THRAP3: variants seen among roughly 807,000 people sequenced by gnomAD.
The protein encoded by THRAP3 is thyroid hormone receptor associated protein 3.
In THRAP3, 16 loss-of-function variants were observed where a neutral mutation model predicts 101.0. The ratio of observed to expected loss-of-function variants is 0.16; its 90% CI spans 0.11 to 0.24. The LOEUF is 0.24. THRAP3 is among the 10% of genes least tolerant of loss of function. THRAP3 has a pLI of 1.00. For missense variants in THRAP3, 989 were observed against 1,202.7 expected, an observed-to-expected ratio of 0.82 and a Z score of 2.63; for synonymous variants, 407 against 422.6, an observed-to-expected ratio of 0.96 and a Z score of 0.45.
chr1:36,297,444 ATTTTT>A (rs764365723), intron 9 of THRAP3, among the ~76,000 whole-genome samples: 2 of 122,372 alleles, frequency 1.6e-5, no homozygotes, highest in Admixed American at 8.2e-5. Context: ...GCTGGCAAGC[ATTTTT>A]TTTTTTTTTT....
At chr1:36,258,251 C>G (rs1218334468) in intron 1 of THRAP3, among the ~76,000 whole-genome samples, 1 of 152,222 alleles carries the variant, frequency 6.6e-6, no homozygotes, top group African/African-American at 2.4e-5. Flanking sequence ...GATGTGAGCC[C>G]TCTGTGCCTC....
intron 1 of THRAP3, among the ~76,000 whole-genome samples, chr1:36,234,218 G>T (rs1645060553): frequency 6.6e-6 from 1 of 152,146 alleles, no homozygotes; most frequent in Admixed American, 6.6e-5. Context: ...TTACAGATGT[G>T]AGCCACCACA....
rs772893951 is a variant in THRAP3 at position 36,303,827 on chromosome 1, A to G, written c.2678A>G (p.Lys893Arg). The G allele has an allele frequency of 3.1e-6, 5 of 1,614,098 alleles. No homozygotes were observed. The highest frequency in any genetic ancestry group is 1.6e-4 in the Middle Eastern group (1 of 6,062). Residue 893 changes from lysine to arginine, a missense_variant, in exon 12 of 12, where the codon AAG becomes AGG. Coordinates refer to ENST00000354618, the MANE Select transcript of THRAP3 (RefSeq NM_005119.4). ...HDDREGEGSD[K>R]WVSRGRGRGA... ...GACCGTGAAGGCGAAGGCAGTGACAAGTGGGTGAGCCGGGGCCGGGGCCGA... is the reference window on the plus strand; with the variant it reads ...GACCGTGAAGGCGAAGGCAGTGACAGGTGGGTGAGCCGGGGCCGGGGCCGA...
the THRAP3 span, among the ~76,000 whole-genome samples, chr1:36,216,495 CA>C: frequency 0.011 from 626 of 56,412 alleles, 5 homozygotes; most frequent in East Asian, 0.064. Flanking sequence ...GACTCCGTCT[CA>C]AAAAAAAAAA....
In THRAP3 at chr1:36,304,754, C is replaced by G; in HGVS notation, c.*737C>G. Reference sequence around the variant, plus strand: ...TCCTGATTTCTTCTGGGCTGGACTTCCCCGTTCTCCACCAGCAGCTCCAGT... The same window carrying G: ...TCCTGATTTCTTCTGGGCTGGACTTGCCCGTTCTCCACCAGCAGCTCCAGT... On this transcript the variant is annotated 3_prime_UTR_variant, in exon 12 of 12. Coordinates refer to ENST00000354618, the MANE Select transcript of THRAP3 (RefSeq NM_005119.4). 1 of 214,890 alleles carries G rather than the reference C, an allele frequency of 4.7e-6. No individual in the cohort carries two copies. The highest frequency in any genetic ancestry group is 9.4e-6 in the Non-Finnish European group (1 of 106,152). The allele number at this position is 214,890 out of a possible 1,614,324, so 13.3% of individuals were successfully genotyped here. A position where few individuals can be genotyped will look rare whatever the true frequency, so the allele number is the denominator to read the frequency against.
intron 1 of THRAP3, among the ~76,000 whole-genome samples, chr1:36,235,029 G>GTAGGAAATAGGTTT (rs1645069546): frequency 6.6e-6 from 1 of 152,064 alleles, no homozygotes. Context: ...GGCCAGGCAG[G>GTAGGAAATAGGTTT]TTTCGAACTC....
chr1:36,244,832 C>G (rs1270364101), intron 1 of THRAP3, among the ~76,000 whole-genome samples: 3 of 152,102 alleles, frequency 2.0e-5, no homozygotes, highest in East Asian at 3.9e-4. Flanking sequence ...ATTTTCCTGC[C>G]TCAGCCTCCT....
In THRAP3 at chr1:36,291,365, C is replaced by A. The variant is rs540644058; in HGVS notation, c.1746-9C>A. 6.2e-7 allele frequency: 1 copy of A among 1,612,198 alleles called. No homozygotes were observed. The highest frequency in any genetic ancestry group is 2.2e-5 in the East Asian group (1 of 44,880). On this transcript the variant is annotated splice_polypyrimidine_tract_variant and intron_variant, in intron 5 of 11. Transcript: ENST00000354618. The stretch of plus-strand genomic sequence containing the variant: ...GTTCTAATTGGGCCTCCCCATATTT[C>A]TTTTTCAGACCCAGTGGCTTATTGG...
chr1:36,280,929 T>TA (rs1183980512), intron 2 of THRAP3, among the ~76,000 whole-genome samples: 32 of 151,262 alleles, frequency 2.1e-4, no homozygotes, highest in African/African-American at 7.7e-4. Context: ...TTATTTTTAT[T>TA]TATTTTTTTT....
chr1:36,270,084 A>G (rs141830138), intron 2 of THRAP3, among the ~76,000 whole-genome samples: 57 of 152,248 alleles, frequency 3.7e-4, no homozygotes, highest in African/African-American at 1.2e-3. Context: ...GTTTGAATCA[A>G]TACTTCTATA....
chr1:36,304,256 C>G lies in THRAP3; in HGVS notation c.*239C>G. The G allele has an allele frequency of 2.5e-6, 1 of 392,324 alleles. No homozygotes were observed. Among genetic ancestry groups the G allele is most frequent in the Non-Finnish European group, 4.4e-6 (1 of 226,450 alleles). 24.3% of individuals were successfully genotyped at this position (392,324 alleles called of 1,614,324 possible). A position where few individuals can be genotyped will look rare whatever the true frequency, so the allele number is the denominator to read the frequency against. The stretch of plus-strand genomic sequence containing the variant: ...TTTGAGCAGAATACAACGCATTGGG[C>G]TTTAGCTGTTTTTCTCATTTGTTGG... On this transcript the variant is annotated 3_prime_UTR_variant, in exon 12 of 12. Transcript: ENST00000354618.
intron 5 of THRAP3, 131 bp from the exon 6 acceptor site, chr1:36,291,243 A>C (rs1249170063): frequency 1.1e-6 from 1 of 876,430 alleles, no homozygotes; most frequent in East Asian, 2.7e-5. Flanking sequence ...ACTGAGGGTT[A>C]CTTTCAACTT....
In THRAP3 at chr1:36,286,320, T is replaced by C. The variant is rs768478680; in HGVS notation, c.138-48T>C. 7 of 1,511,172 alleles carry C rather than the reference T, an allele frequency of 4.6e-6. No individual in the cohort carries two copies. Among genetic ancestry groups the C allele is most frequent in the Non-Finnish European group, 6.2e-6 (7 of 1,126,762 alleles). 93.6% of individuals were successfully genotyped at this position (1,511,172 alleles called of 1,614,324 possible). A position where few individuals can be genotyped will look rare whatever the true frequency, so the allele number is the denominator to read the frequency against. ...AGAACAGATTTTTCTTGAATAAAAATGCTTGTGTCAAAAATTCAAACATTT... is the reference window on the plus strand; with the variant it reads ...AGAACAGATTTTTCTTGAATAAAAACGCTTGTGTCAAAAATTCAAACATTT... On this transcript the variant is annotated intron_variant, in intron 3 of 11. Coordinates refer to ENST00000354618, the MANE Select transcript of THRAP3 (RefSeq NM_005119.4). The surrounding 1 kb of genome is among the most constrained non-coding windows in gnomAD (Gnocchi z 5.5).
rs1557448554 is a variant in THRAP3 at position 36,287,277 on chromosome 1, A to G, written c.1040+7A>G. ...GAGCAGCCTATACAAAGAGGCAAGT[A>G]TCTCATTTCCCCTGCCTGGTTGTGT... On this transcript the variant is annotated splice_region_variant and intron_variant, in intron 4 of 11. Transcript: ENST00000354618. 1 of 1,585,804 alleles carries G rather than the reference A, an allele frequency of 6.3e-7. No homozygotes were observed. The highest frequency in any genetic ancestry group is 1.4e-5 in the African/African-American group (1 of 74,002).
chr1:36,292,028 G>T (rs1334959308), intron 6 of THRAP3, among the ~76,000 whole-genome samples: 1 of 152,048 alleles, frequency 6.6e-6, no homozygotes, highest in Non-Finnish European at 1.5e-5. Flanking sequence ...AAGAGTTGGT[G>T]CTGTGCTTCT....
At position 36,274,145 on chromosome 1, in the gene THRAP3, A is replaced by G. The variant is rs563414323; in HGVS notation, c.-31-8388A>G. ...CTGTATTTCTATACAGTAGCAATGA[A>G]CAATAAGAAAATGAAATTGTTAACA... On this transcript the variant is annotated intron_variant, in intron 2 of 11. Coordinates refer to ENST00000354618, the MANE Select transcript of THRAP3 (RefSeq NM_005119.4). Among the ~76,000 whole-genome samples, 6 of 152,162 alleles carry G rather than the reference A, an allele frequency of 3.9e-5. No individual in the cohort carries two copies. The South Asian group carries it at 1.0e-3, about 26-fold the overall frequency.
At chr1:36,210,954 G>A in the THRAP3 span, among the ~76,000 whole-genome samples, 1 of 150,438 alleles carries the variant, frequency 6.6e-6, no homozygotes, top group Non-Finnish European at 1.5e-5. Context: ...GGTTCATGAT[G>A]TAATCCTGGC....
chr1:36,241,989 ATGT>A (rs529480895), intron 1 of THRAP3: 108 of 173,536 alleles, frequency 6.2e-4, no homozygotes, highest in African/African-American at 2.5e-3. Context: ...TAGAACTTTA[ATGT>A]TGTATGGATT....
At chr1:36,281,856 A>AG (rs1645735295) in intron 2 of THRAP3, among the ~76,000 whole-genome samples, 1 of 152,014 alleles carries the variant, frequency 6.6e-6, no homozygotes, top group Non-Finnish European at 1.5e-5. Context: ...AGATTACCTG[A>AG]GGTCGGGAGT....
Sources: allele counts gnomAD v4.1 joint callset (sites outside exome capture counted in the v4.1 genomes callset), GRCh38; gene constraint gnomAD v4.1.1; non-coding constraint Gnocchi (gnomAD v3.1); transcripts MANE v1.5; gene names NCBI Gene and HGNC (gene_info 2026-07-23, HGNC 2026-07-21).